Variants in PTPRD observed in about 807,000 individuals in gnomAD.
The protein encoded by PTPRD is receptor-type tyrosine-protein phosphatase delta.
A neutral mutation model predicts 214.5 loss-of-function variants in PTPRD; 34 were observed. The observed-to-expected ratio is 0.16, with a 90% CI of 0.12 to 0.21. The LOEUF is 0.21. PTPRD is among the 10% of genes least tolerant of loss of function. PTPRD has a pLI of 1.00. For missense variants in PTPRD, 2,545 were observed against 2,398.7 expected, an observed-to-expected ratio of 1.06 and a Z score of -1.27; for synonymous variants, 1,128 against 845.7, an observed-to-expected ratio of 1.33 and a Z score of -5.79.
At chr9:9,731,185 T>A (rs2098184651) in intron 7 of PTPRD, among the ~76,000 whole-genome samples, 1 of 152,140 alleles carries the variant, frequency 6.6e-6, no homozygotes, top group African/African-American at 2.4e-5. Context: ...GAGTAAATAT[T>A]TTTTTTACTT....
chr9:9,632,886 G>A (rs1352246404), intron 7 of PTPRD, among the ~76,000 whole-genome samples: 1 of 152,196 alleles, frequency 6.6e-6, no homozygotes, highest in African/African-American at 2.4e-5. Context: ...AGAATTGTTA[G>A]GTTTGAATGA....
intron 5 of PTPRD, among the ~76,000 whole-genome samples, chr9:9,923,022 A>G (rs771323978): frequency 1.5e-4 from 23 of 151,960 alleles, no homozygotes; most frequent in Non-Finnish European, 2.6e-4. Flanking sequence ...TAGGTAAGTA[A>G]GACTATCTTT....
chr9:9,710,766 T>G (rs1402168786), intron 7 of PTPRD, among the ~76,000 whole-genome samples: 1 of 152,146 alleles, frequency 6.6e-6, no homozygotes. Flanking sequence ...CACATTAACA[T>G]TATTGACACC....
At chr9:10,092,431 T>C (rs1418235216) in intron 3 of PTPRD, among the ~76,000 whole-genome samples, 1 of 151,436 alleles carries the variant, frequency 6.6e-6, no homozygotes, top group East Asian at 1.9e-4. Context: ...TGATGTGATA[T>C]TTCTGCTGAG....
chr9:8,653,928 C>A (rs1481637540), intron 12 of PTPRD, among the ~76,000 whole-genome samples: 1 of 152,186 alleles, frequency 6.6e-6, no homozygotes, highest in East Asian at 1.9e-4. Flanking sequence ...GTCCCATCTC[C>A]CTACATAATC....
At chr9:8,591,580 T>A (rs2154264705) in intron 14 of PTPRD, among the ~76,000 whole-genome samples, 1 of 152,270 alleles carries the variant, frequency 6.6e-6, no homozygotes, top group South Asian at 2.1e-4. Flanking sequence ...AGAAAGAATG[T>A]AGGAGGAGGT....
chr9:9,965,871 G>C (rs1351888492), intron 4 of PTPRD, among the ~76,000 whole-genome samples: 1 of 152,182 alleles, frequency 6.6e-6, no homozygotes, highest in East Asian at 1.9e-4. Context: ...AACACTATTT[G>C]TTTATGCATA....
chr9:8,753,296 G>A (rs2093693561), intron 11 of PTPRD, among the ~76,000 whole-genome samples: 1 of 152,178 alleles, frequency 6.6e-6, no homozygotes, highest in Admixed American at 6.5e-5. Context: ...TATAATGGAA[G>A]TGACGTATGT....
At chr9:9,092,481 G>C (rs146183341) in intron 10 of PTPRD, among the ~76,000 whole-genome samples, 9 of 152,032 alleles carry the variant, frequency 5.9e-5, no homozygotes, top group Non-Finnish European at 1.3e-4. Context: ...TCATGGACAA[G>C]GGAAGTGTAT....
At chr9:10,389,949 T>C (rs1168656186) in intron 2 of PTPRD, among the ~76,000 whole-genome samples, 1 of 151,818 alleles carries the variant, frequency 6.6e-6, no homozygotes, top group Non-Finnish European at 1.5e-5. Context: ...ATTCCATTAT[T>C]AATTAAGAGA....
At chr9:8,608,661 C>T (rs2095330841) in intron 14 of PTPRD, among the ~76,000 whole-genome samples, 1 of 151,924 alleles carries the variant, frequency 6.6e-6, no homozygotes, top group South Asian at 2.1e-4. Flanking sequence ...AAAATCACGG[C>T]GTTTAGTACA....
At position 8,733,917 on chromosome 9, in the gene PTPRD, C is replaced by A. The variant is rs1385025414; in HGVS notation, c.-74G>T. On this transcript the variant is annotated 5_prime_UTR_variant, in exon 12 of 46. Coordinates refer to ENST00000381196, the MANE Select transcript of PTPRD (RefSeq NM_002839.4). ...CGGAGCCGCAGCGAGTCTGTCCGAT[C>A]TGAAATTTCAGCTGGAACACTTTCA... The A allele has an allele frequency of 6.9e-7, 1 of 1,458,180 alleles. No homozygotes were observed. Among genetic ancestry groups the A allele is most frequent in the South Asian group, 1.2e-5 (1 of 81,948 alleles). The allele number at this position is 1,458,180 out of a possible 1,614,324, so 90.3% of individuals were successfully genotyped here. A position where few individuals can be genotyped will look rare whatever the true frequency, so the allele number is the denominator to read the frequency against.
chr9:8,709,567 T>C (rs1264941123), intron 12 of PTPRD, among the ~76,000 whole-genome samples: 2 of 147,142 alleles, frequency 1.4e-5, no homozygotes, highest in East Asian at 2.0e-4. Context: ...GCTAACAGAA[T>C]GGATGTAAAG....
At chr9:8,677,977 C>G (rs2097465721) in intron 12 of PTPRD, among the ~76,000 whole-genome samples, 1 of 152,090 alleles carries the variant, frequency 6.6e-6, no homozygotes, top group African/African-American at 2.4e-5. Context: ...TTTGTGGGTG[C>G]AGGCCTGCAG....
At chr9:9,472,205 T>C in intron 8 of PTPRD, among the ~76,000 whole-genome samples, 1 of 98,268 alleles carries the variant, frequency 1.0e-5, no homozygotes, top group African/African-American at 3.5e-5. Context: ...TTTTTTTTTT[T>C]TCTTTTTTTG....
At chr9:10,147,414 T>C (rs2099030845) in intron 3 of PTPRD, among the ~76,000 whole-genome samples, 1 of 152,190 alleles carries the variant, frequency 6.6e-6, no homozygotes, top group Admixed American at 6.6e-5. Flanking sequence ...TATTGCGGCA[T>C]TATTCACAAT....
intron 3 of PTPRD, among the ~76,000 whole-genome samples, chr9:10,082,834 C>A (rs10958878): frequency 3.2e-5 from 3 of 94,478 alleles, no homozygotes; most frequent in African/African-American, 7.0e-5. Context: ...CACACACACA[C>A]ACACAAACAC....
chr9:9,149,206 A>T (rs1359981268), intron 10 of PTPRD, among the ~76,000 whole-genome samples: 1 of 152,206 alleles, frequency 6.6e-6, no homozygotes, highest in Admixed American at 6.5e-5. Context: ...GAATAATAAC[A>T]TTATCTACCT....
intron 10 of PTPRD, among the ~76,000 whole-genome samples, chr9:9,078,516 G>A (rs567562215): frequency 2.3e-4 from 35 of 152,124 alleles, no homozygotes; most frequent in African/African-American, 8.4e-4. Context: ...TGCTTGCTGT[G>A]CCATGATAGA....
Sources: gnomAD v4.1 joint callset for allele counts (sites outside exome capture counted in the v4.1 genomes callset) on GRCh38, gnomAD v4.1.1 for gene constraint, MANE v1.5 for transcripts, NCBI Gene and HGNC (gene_info 2026-07-23, HGNC 2026-07-21) for gene names.